Variants in NTPCR observed in about 807,000 individuals in gnomAD.
NTPCR encodes nucleoside-triphosphatase, cancer-related.
In NTPCR, 15 loss-of-function variants were observed where a neutral mutation model predicts 19.5. The ratio of observed to expected loss-of-function variants is 0.77; its 90% CI spans 0.51 to 1.18. The LOEUF is 1.18. Ranked by LOEUF, NTPCR falls within the 50% of genes most tolerant of loss-of-function variation. The pLI, the probability that NTPCR is intolerant of heterozygous loss-of-function variation, is 0.00. For missense variants in NTPCR, 206 were observed against 240.4 expected (o/e 0.86, Z 0.95); for synonymous variants, 90 against 95.8 (o/e 0.94, Z 0.36).
chr1:232,972,591 C>G (rs1256282278), intron 4 of NTPCR, among the ~76,000 whole-genome samples: 3 of 152,144 alleles, frequency 2.0e-5, no homozygotes, highest in Admixed American at 1.3e-4. Context: ...ACACCTGACT[C>G]ATTTGTGCAT....
At chr1:232,958,278 G>A (rs80337764) in intron 3 of NTPCR, among the ~76,000 whole-genome samples, 8,008 of 152,254 alleles carry the variant, frequency 0.053, 261 homozygotes, top group Middle Eastern at 0.13. Context: ...GTGATATCTG[G>A]CCTTACTAAC....
chr1:232,975,160 G>A (rs1160385728), intron 4 of NTPCR, among the ~76,000 whole-genome samples: 3 of 152,208 alleles, frequency 2.0e-5, no homozygotes, highest in Non-Finnish European at 4.4e-5. Flanking sequence ...ACCTTGGGGT[G>A]CACATGTTCT....
intron 2 of NTPCR, 130 bp from the exon 3 acceptor site, chr1:232,956,217 C>G: frequency 1.5e-6 from 1 of 685,226 alleles, no homozygotes. Flanking sequence ...TACAGACCAC[C>G]GCATTTTGTG....
intron 4 of NTPCR, 26 bp downstream of exon 4, chr1:232,970,144 C>T (rs1266537325): frequency 1.3e-6 from 2 of 1,561,680 alleles, no homozygotes; most frequent in African/African-American, 1.4e-5. Flanking sequence ...CCTCCATAAT[C>T]AGTGGAAATG....
At chr1:232,976,174 T>A (rs1029886768) in intron 4 of NTPCR, 18 of 659,738 alleles carry the variant, frequency 2.7e-5, no homozygotes, top group Non-Finnish European at 3.5e-5. Flanking sequence ...ATGTACATAT[T>A]TATGGGGTAC....
rs1374221750 is a variant in NTPCR at position 232,983,395 on chromosome 1, T to C, written c.*5164T>C. On this transcript the variant is annotated 3_prime_UTR_variant, in exon 5 of 5. Coordinates refer to ENST00000366628, the MANE Select transcript of NTPCR (RefSeq NM_032324.3). ...ACCATAAAAGATATACTTGTAGAAA[T>C]GAGAAGCTTCAGTATAACTCAAAAC... The C allele has an allele frequency of 6.6e-6, 1 of 152,164 alleles. No homozygotes were observed. Among genetic ancestry groups the C allele is most frequent in the Non-Finnish European group, 1.5e-5 (1 of 68,034 alleles). 9.4% of individuals were successfully genotyped at this position (152,164 alleles called of 1,614,324 possible). A position where few individuals can be genotyped will look rare whatever the true frequency, so the allele number is the denominator to read the frequency against.
In NTPCR at chr1:232,981,245, G is replaced by A. The variant is rs996961094; in HGVS notation, c.*3014G>A. 3 of 152,200 alleles carry A rather than the reference G, an allele frequency of 2.0e-5. No individual in the cohort carries two copies. Among genetic ancestry groups the A allele is most frequent in the Non-Finnish European group, 4.4e-5 (3 of 68,038 alleles). The allele number at this position is 152,200 out of a possible 1,614,324, so 9.4% of individuals were successfully genotyped here. On this transcript the variant is annotated 3_prime_UTR_variant, in exon 5 of 5. Coordinates refer to ENST00000366628, the MANE Select transcript of NTPCR (RefSeq NM_032324.3). ...TGGATAGTGTCATCTCTGATGATCAGCCTTGACAGGGAGAGATCCTAGTAA... is the reference window on the plus strand; with the variant it reads ...TGGATAGTGTCATCTCTGATGATCAACCTTGACAGGGAGAGATCCTAGTAA...
Position 232,961,363 on chromosome 1 carries a change from G to A in NTPCR, c.294+4920G>A, listed in dbSNP as rs76623816. Among the ~76,000 whole-genome samples the A allele has an allele frequency of 2.8e-4, 42 of 152,352 alleles. No individual in the cohort carries two copies. The East Asian group carries it at 7.7e-3, about 28-fold the overall frequency. On this transcript the variant is annotated intron_variant, in intron 3 of 4. Transcript: ENST00000366628. ...TGCTGCGTTGACTTTGTGTCCCACT[G>A]CCAGGGTGTGAGTGTGCTTGTCTTG...
chr1:232,964,118 C>A (rs1460054815), intron 3 of NTPCR: 2 of 152,136 alleles, frequency 1.3e-5, no homozygotes, highest in Non-Finnish European at 2.9e-5. Context: ...CCAGATGTTA[C>A]ACTTAGTTGT....
intron 3 of NTPCR, chr1:232,964,306 G>A: frequency 6.6e-6 from 1 of 152,182 alleles, no homozygotes; most frequent in Non-Finnish European, 1.5e-5. Flanking sequence ...CATAAGTGAT[G>A]ATGCATCCTT....
At chr1:232,976,560 G>A in intron 4 of NTPCR, 1 of 1,486,388 alleles carries the variant, frequency 6.7e-7, no homozygotes, top group Admixed American at 2.6e-5. Context: ...GCTAACTTAA[G>A]TGAAAACAGC....
chr1:232,977,768 C>T (rs890166449), intron 4 of NTPCR, among the ~76,000 whole-genome samples: 12 of 152,132 alleles, frequency 7.9e-5, no homozygotes, highest in South Asian at 6.2e-4. Flanking sequence ...TCCTGGGCCC[C>T]GCTGGCTCCC....
At chr1:232,978,079 G>C in intron 4 of NTPCR, 84 bp from the exon 5 acceptor site, 1 of 1,173,178 alleles carries the variant, frequency 8.5e-7, no homozygotes. Context: ...AGCCTTCCAG[G>C]CGTTTCTTTT....
intron 1 of NTPCR, chr1:232,950,968 G>A (rs1035054352): frequency 2.2e-5 from 11 of 492,172 alleles, no homozygotes; most frequent in Admixed American, 3.9e-5. Context: ...CTTGTGAGGG[G>A]GTCCTAGACT....
intron 2 of NTPCR, 71 bp from the exon 3 acceptor site, chr1:232,956,276 A>G: frequency 9.8e-7 from 1 of 1,019,044 alleles, no homozygotes; most frequent in Non-Finnish European, 1.5e-6. Context: ...CCAGAGGCTC[A>G]GTGGAGCAGC....
intron 3 of NTPCR, chr1:232,966,566 G>A (rs1240810863): frequency 6.6e-6 from 1 of 152,128 alleles, no homozygotes; most frequent in Non-Finnish European, 1.5e-5. Flanking sequence ...CTATTTTCAG[G>A]TCTCTGATAT....
intron 1 of NTPCR, among the ~76,000 whole-genome samples, chr1:232,951,951 G>A (rs1211317600): frequency 1.3e-5 from 2 of 152,102 alleles, no homozygotes; most frequent in Admixed American, 6.5e-5. Flanking sequence ...ATTAATGGAG[G>A]TGTCCTGTTA....
At position 232,981,515 on chromosome 1, in the gene NTPCR, G is replaced by T. The variant is rs1669279106; in HGVS notation, c.*3284G>T. 1 of 152,146 alleles carries T rather than the reference G, an allele frequency of 6.6e-6. No individual in the cohort carries two copies. 9.4% of individuals were successfully genotyped at this position (152,146 alleles called of 1,614,324 possible). ...GGAGACGGGTGGGCTAAGTAAACAG[G>T]CATTGCATTGCACATTTTGTGGGCA... On this transcript the variant is annotated 3_prime_UTR_variant, in exon 5 of 5. Coordinates refer to ENST00000366628, the MANE Select transcript of NTPCR (RefSeq NM_032324.3).
At chr1:232,970,307 C>T (rs1266976900) in intron 4 of NTPCR, among the ~76,000 whole-genome samples, 189 bp downstream of exon 4, 3 of 152,096 alleles carry the variant, frequency 2.0e-5, no homozygotes, top group African/African-American at 7.2e-5. Context: ...AAAACAAACT[C>T]GCTTATGGGG....
Sources: gnomAD v4.1 joint callset for allele counts (sites outside exome capture counted in the v4.1 genomes callset) on GRCh38, gnomAD v4.1.1 for gene constraint, MANE v1.5 for transcripts, NCBI Gene and HGNC (gene_info 2026-07-23, HGNC 2026-07-21) for gene names.